Variants in ITGAL observed in about 807,000 individuals in gnomAD.
ITGAL encodes integrin subunit alpha L.
In ITGAL, 68 loss-of-function variants were observed where a neutral mutation model predicts 138.4. The observed-to-expected ratio is 0.49, with a 90% CI of 0.40 to 0.60. The LOEUF (loss-of-function observed/expected upper bound fraction) is 0.60, where lower values mean the gene tolerates loss of function less well. ITGAL is among the 20% of genes least tolerant of loss of function. The probability of loss-of-function intolerance (pLI) is 0.00; values close to 1 mark genes in which losing one functional copy is unlikely to be tolerated. For missense variants in ITGAL, 1,256 were observed against 1,478.6 expected, an observed-to-expected ratio of 0.85 and a Z score of 2.47; for synonymous variants, 561 against 584.3, an observed-to-expected ratio of 0.96 and a Z score of 0.57.
At chr16:30,503,063 C>A (rs970019332) in intron 17 of ITGAL, among the ~76,000 whole-genome samples, 14 of 152,214 alleles carry the variant, frequency 9.2e-5, no homozygotes, top group African/African-American at 2.9e-4. Flanking sequence ...GATCCACCCA[C>A]CTCGGCATCC....
intron 26 of ITGAL, 23 bp downstream of exon 26, chr16:30,517,109 G>A: frequency 6.8e-7 from 1 of 1,478,858 alleles, no homozygotes; most frequent in South Asian, 1.2e-5. Context: ...TGTAGAGGGA[G>A]GGTCTACCCT....
At chr16:30,505,544 C>A in intron 20 of ITGAL, 82 bp downstream of exon 20, 1 of 1,032,802 alleles carries the variant, frequency 9.7e-7, no homozygotes, top group Non-Finnish European at 1.5e-6. Context: ...ATGTCATTTG[C>A]AGACACCACT....
chr16:30,502,103 A>T (rs1254230725), intron 17 of ITGAL, among the ~76,000 whole-genome samples: 1 of 152,158 alleles, frequency 6.6e-6, no homozygotes. Flanking sequence ...CTGTATAAAA[A>T]TGGGATTAAT....
rs149130142 is a variant in ITGAL, at chr16:30,505,316, G to A, written c.2292+16G>A. 3.9e-4 allele frequency: 623 copies of A among 1,613,274 alleles called. 2 individuals are homozygous for A. The East Asian group carries it at 0.014, about 35-fold the overall frequency. On this transcript the variant is annotated intron_variant, in intron 19 of 30. Coordinates refer to ENST00000356798, the MANE Select transcript of ITGAL (RefSeq NM_002209.3). ...AACCTGGGAGGTAAGAGGGGAGAAG[G>A]GGCAGGCAGAGAGGCCTGGGAACAA...
Position 30,510,455 on chromosome 16 carries a change from T to G in ITGAL, c.2603T>G (p.Phe868Cys), listed in dbSNP as rs2051073248. 6.2e-7 allele frequency: 1 copy of G among 1,606,052 alleles called. No homozygotes were observed. The highest frequency in any genetic ancestry group is 1.3e-5 in the African/African-American group (1 of 74,850). The stretch of plus-strand genomic sequence containing the variant: ...TCTTGCAATGTGAGCTCTCCCATCT[T>G]CAAAGCAGGCCACTCGGTGAGTGCT... ...ALSCNVSSPI[F>C]KAGHSVALQM... Residue 868 changes from phenylalanine to cysteine, a missense_variant, in exon 22 of 31, where the codon TTC becomes TGC. This residue lies in a region of ITGAL where 867 missense variants were observed against 972.5 expected (regional missense o/e 0.89). Coordinates refer to ENST00000356798, the MANE Select transcript of ITGAL (RefSeq NM_002209.3).
chr16:30,505,886 G>A (rs1228271551), intron 20 of ITGAL, among the ~76,000 whole-genome samples: 1 of 151,972 alleles, frequency 6.6e-6, no homozygotes, highest in Admixed American at 6.6e-5. Flanking sequence ...AAAATAAAAA[G>A]CAAATAAAAT....
At chr16:30,506,320 G>T (rs1168036606) in intron 20 of ITGAL, among the ~76,000 whole-genome samples, 1 of 149,074 alleles carries the variant, frequency 6.7e-6, no homozygotes, top group Admixed American at 6.7e-5. Context: ...TTGGGAGGCC[G>T]AGGCGGGCGG....
chr16:30,501,714 T>C (rs2050901519), intron 17 of ITGAL, among the ~76,000 whole-genome samples: 1 of 151,968 alleles, frequency 6.6e-6, no homozygotes, highest in South Asian at 2.1e-4. Flanking sequence ...TTAAGTCTCA[T>C]GTATGGTACA....
intron 20 of ITGAL, among the ~76,000 whole-genome samples, 135 bp from the exon 21 acceptor site, chr16:30,506,558 CAAAAAAAAAAAAAAAAAAAAAA>C (rs57722064): frequency 1.0e-3 from 49 of 47,938 alleles, no homozygotes; most frequent in Middle Eastern, 0.014. Context: ...GACTCCATCT[CAAAAAAAAAAAAAAAAAAAAAA>C]AAAAAAAAAA....
At chr16:30,488,875 T>C (rs1168091266) in intron 9 of ITGAL, 1 of 564,510 alleles carries the variant, frequency 1.8e-6, no homozygotes, top group African/African-American at 1.9e-5. Context: ...AGACCTTGTT[T>C]CAACAACAAA....
intron 24 of ITGAL, among the ~76,000 whole-genome samples, chr16:30,511,467 G>A (rs749087790): frequency 7.9e-5 from 12 of 152,244 alleles, no homozygotes; most frequent in Non-Finnish European, 1.6e-4. Context: ...CAGCTGTGCC[G>A]CTCTCCATTT....
rs532302661 is a variant in ITGAL at position 30,473,189 on chromosome 16, T to C, written c.61+291T>C. On this transcript the variant is annotated intron_variant, in intron 1 of 30. Coordinates refer to ENST00000356798, the MANE Select transcript of ITGAL (RefSeq NM_002209.3). ...GCTCACGCCTGTAATCCCAGCACTT[T>C]AGGAGGCTAAAGTGGGCAGATTACT... 2.2e-4 allele frequency among the ~76,000 whole-genome samples: 34 copies of C among 152,178 alleles called. 1 individual carries two copies. Among genetic ancestry groups the C allele is most frequent in the African/African-American group, 7.2e-4 (30 of 41,496 alleles).
In ITGAL at chr16:30,504,336, G is replaced by T. The variant is rs144399884; in HGVS notation, c.2235+72G>T. The T allele has an allele frequency of 1.4e-3, 1,648 of 1,163,128 alleles. 17 individuals carry two copies. The African/African-American group carries it at 0.021, about 15-fold the overall frequency. The allele number at this position is 1,163,128 out of a possible 1,614,324, so 72.1% of individuals were successfully genotyped here. On this transcript the variant is annotated intron_variant, in intron 18 of 30. Transcript: ENST00000356798. ...CATTTGGCAAGAAGAGCCGCCCATG[G>T]CCGGGCAGCACACTCCTATAATCCC...
Position 30,481,539 on chromosome 16 carries a change from A to C in ITGAL, c.677A>C (p.His226Pro), listed in dbSNP as rs774580412. The change falls in exon 7 of 31, where the codon CAC (histidine) becomes CCC (proline). Residue 226 changes from histidine (H) to proline (P), a missense_variant. Physicochemically the swap from His to Pro is moderately conservative, Grantham distance 77 (BLOSUM62 -2). Coordinates refer to ENST00000356798, the MANE Select transcript of ITGAL (RefSeq NM_002209.3). The part of the protein sequence containing the change: ...DPDALLKHVK[H>P]MLLLTNTFGA... ...GATGCTCTGCTGAAGCATGTAAAGC[A>C]CATGTTGCTGTTGACCAATACCTTT... 24 of 1,613,600 alleles carry C rather than the reference A, an allele frequency of 1.5e-5. No individual in the cohort carries two copies. The highest frequency in any genetic ancestry group is 2.0e-5 in the Non-Finnish European group (24 of 1,179,848).
chr16:30,508,200 G>T (rs904407261), intron 21 of ITGAL, among the ~76,000 whole-genome samples: 10 of 131,694 alleles, frequency 7.6e-5, no homozygotes, highest in Non-Finnish European at 4.8e-5. Flanking sequence ...GGGCCACCAC[G>T]CCCGGCCTAT....
At chr16:30,486,644 C>T (rs1242893688) in intron 9 of ITGAL, among the ~76,000 whole-genome samples, 1 of 152,056 alleles carries the variant, frequency 6.6e-6, no homozygotes, top group African/African-American at 2.4e-5. Flanking sequence ...GGGGAAAGGG[C>T]TCGGCATGCC....
rs774712324 is a variant in ITGAL, at chr16:30,517,021, G to A, written c.2911G>A (p.Ala971Thr). 6.2e-7 allele frequency: 1 copy of A among 1,613,938 alleles called. No individual in the cohort carries two copies. Among genetic ancestry groups the A allele is most frequent in the East Asian group, 2.2e-5 (1 of 44,876 alleles). The change falls in exon 26 of 31, where the codon GCT (alanine) becomes ACT (threonine). Residue 971 changes from alanine to threonine, a missense_variant. By Grantham distance (58) the Ala-to-Thr change is moderately conservative. Transcript: ENST00000356798. ...CGACCACAACATACCCACCCTGGAGGCTGTGGTTGGGGTGCCACAGCCTCC... is the reference window on the plus strand; with the variant it reads ...CGACCACAACATACCCACCCTGGAGACTGTGGTTGGGGTGCCACAGCCTCC... Reference protein sequence around the residue: ...IHDHNIPTLEAVVGVPQPPSE... With the variant: ...IHDHNIPTLETVVGVPQPPSE...
chr16:30,476,483 C>T (rs1399995102), intron 4 of ITGAL, among the ~76,000 whole-genome samples: 1 of 151,958 alleles, frequency 6.6e-6, no homozygotes, highest in East Asian at 1.9e-4. Flanking sequence ...ATGACAAGCA[C>T]ATCAAATTTA....
rs1024410649 is a variant in ITGAL at position 30,475,503 on chromosome 16, G to GTGCC, written c.260-8_260-5dup. Reference sequence around the variant, plus strand: ...TGAGCTCCTCCAGACCAACCTTCTGGTGCCTACAGGTTCCAACTATACCTC... The same window carrying GTGCC: ...TGAGCTCCTCCAGACCAACCTTCTGGTGCCTGCCTACAGGTTCCAACTATACCTC... On this transcript the variant is annotated splice_polypyrimidine_tract_variant and intron_variant, in intron 3 of 30. Transcript: ENST00000356798. The GTGCC allele has an allele frequency of 6.2e-7, 1 of 1,613,506 alleles. No homozygotes were observed. Among genetic ancestry groups the GTGCC allele is most frequent in the African/African-American group, 1.3e-5 (1 of 75,014 alleles).
Sources: gnomAD v4.1 joint callset for allele counts (sites outside exome capture counted in the v4.1 genomes callset) on GRCh38, gnomAD v4.1.1 for gene constraint, gnomAD v4.1.1 regional missense constraint, MANE v1.5 for transcripts, NCBI Gene and HGNC (gene_info 2026-07-23, HGNC 2026-07-21) for gene names.